LINGO1: variants seen among roughly 807,000 people sequenced by gnomAD.
LINGO1 encodes leucine-rich repeat and immunoglobulin-like domain-containing nogo receptor-interacting protein 1.
LINGO1 carries 11 observed loss-of-function variants against 37.3 expected under a neutral mutation model. The observed-to-expected ratio is 0.29, with a 90% CI of 0.19 to 0.49. LINGO1 has a LOEUF of 0.49. Among genes scored for constraint, LINGO1 ranks in the 20% least tolerant of loss-of-function variants. LINGO1 has a pLI of 0.99. For missense variants in LINGO1, 585 were observed against 878.2 expected (o/e 0.67, Z 4.22); for synonymous variants, 387 against 403.0 (o/e 0.96, Z 0.48).
chr15:77,712,489 C>T (rs1048834822), intron 2 of LINGO1, among the ~76,000 whole-genome samples: 4 of 152,114 alleles, frequency 2.6e-5, no homozygotes, highest in African/African-American at 9.7e-5. Context: ...GCTGGGAGGC[C>T]AAATACAGCT....
rs538589714 is a variant in LINGO1 at position 77,615,268 on chromosome 15, G to A, written c.639C>T (p.His213=). The stretch of plus-strand genomic sequence containing the variant: ...GCCTCAGGACGATGAGGCCGTGCAG[G>A]TGGGACAGCGCCTCGGTGGGGATGG... ...LTSIPTEALS[H]LHGLIVLRLR... is the part of the protein sequence containing the mutation. Residue 213 remains histidine, a synonymous_variant, in exon 2 of 2, where the codon CAC becomes CAT. Transcript: ENST00000355300. 59 of 1,613,874 alleles carry A rather than the reference G, an allele frequency of 3.7e-5. No homozygotes were observed. The Middle Eastern group carries it at 8.2e-4, about 23-fold the overall frequency.
At chr15:77,776,526 A>AAGGGAGGAAGGG (rs2076652689) in intron 1 of LINGO1, among the ~76,000 whole-genome samples, 4 of 35,752 alleles carry the variant, frequency 1.1e-4, no homozygotes, top group African/African-American at 3.0e-4. Flanking sequence ...GGAAGGGAGG[A>AAGGGAGGAAGGG]AGGGAGGGAG....
chr15:77,632,365 T>C lies in LINGO1; in HGVS notation c.-50A>G. On this transcript the variant is annotated 5_prime_UTR_variant, in exon 1 of 2. Coordinates refer to ENST00000355300, the MANE Select transcript of LINGO1 (RefSeq NM_032808.7). This position sits in a 1 kb window ranked among gnomAD's most constrained non-coding sequence, Gnocchi z 6.0. Reference sequence around the variant, plus strand: ...GGCTCGGTCACCAATCGCATGTCTCTCCAGCCGGCCCGACCAGGCCCCAGC... The same window carrying C: ...GGCTCGGTCACCAATCGCATGTCTCCCCAGCCGGCCCGACCAGGCCCCAGC... 2.2e-6 allele frequency: 3 copies of C among 1,384,182 alleles called. No homozygotes were observed. The highest frequency in any genetic ancestry group is 2.7e-5 in the Admixed American group (1 of 36,400). 85.7% of individuals were successfully genotyped at this position (1,384,182 alleles called of 1,614,324 possible).
intron 2 of LINGO1, among the ~76,000 whole-genome samples, chr15:77,724,120 G>A (rs1424079167): frequency 6.6e-6 from 1 of 152,126 alleles, no homozygotes; most frequent in Non-Finnish European, 1.5e-5. Context: ...GGAGCGGGGA[G>A]TGGGGAGGGG....
At chr15:77,762,376 C>T (rs1034633665) in intron 1 of LINGO1, among the ~76,000 whole-genome samples, 8 of 152,174 alleles carry the variant, frequency 5.3e-5, no homozygotes, top group African/African-American at 1.2e-4. Context: ...AGGAGCAGGC[C>T]GTGGAGAGGC....
At chr15:77,806,707 C>A (rs899679286) in intron 1 of LINGO1, among the ~76,000 whole-genome samples, 3 of 152,086 alleles carry the variant, frequency 2.0e-5, no homozygotes, top group Admixed American at 6.6e-5. Context: ...GGGACCCCGA[C>A]CCCCCAGTCC....
chr15:77,658,111 G>A lies in LINGO1; in HGVS notation c.-13+18978C>T, dbSNP rs116440820. Among the ~76,000 whole-genome samples, 6 of 152,282 alleles carry A rather than the reference G, an allele frequency of 3.9e-5. No homozygotes were observed. In the South Asian group the frequency reaches 6.2e-4, roughly 16 times the overall value. On this transcript the variant is annotated intron_variant, in intron 3 of 3. Coordinates refer to the LINGO1 transcript ENST00000559893. The stretch of plus-strand genomic sequence containing the variant: ...GGCCCAGAAATGGCCCTCAGGTGAC[G>A]GCGGGATGTCTAGGAAGGTGAGGAC...
intron 1 of LINGO1, among the ~76,000 whole-genome samples, chr15:77,765,103 G>A (rs1187809871): frequency 1.3e-5 from 2 of 152,146 alleles, no homozygotes; most frequent in Admixed American, 1.3e-4. Flanking sequence ...ATGGATGAAC[G>A]GTGATTTGTC....
intron 2 of LINGO1, among the ~76,000 whole-genome samples, chr15:77,718,354 G>A (rs1567544763): frequency 6.6e-6 from 1 of 151,010 alleles, no homozygotes; most frequent in Non-Finnish European, 1.5e-5. Flanking sequence ...GTATACAGAG[G>A]AGCATGCCCA....
At chr15:77,777,277 C>T (rs1386137402) in intron 1 of LINGO1, among the ~76,000 whole-genome samples, 1 of 152,080 alleles carries the variant, frequency 6.6e-6, no homozygotes, top group Non-Finnish European at 1.5e-5. Flanking sequence ...GGGGGTCCAA[C>T]CCCATCACTG....
At chr15:77,749,379 T>C (rs2076348782) in intron 1 of LINGO1, among the ~76,000 whole-genome samples, 1 of 152,138 alleles carries the variant, frequency 6.6e-6, no homozygotes, top group African/African-American at 2.4e-5. Context: ...ACTCAGCACC[T>C]CCCACCAGCC....
intron 3 of LINGO1, among the ~76,000 whole-genome samples, chr15:77,663,239 G>A (rs58075409): frequency 0.039 from 5,871 of 152,326 alleles, 385 homozygotes; most frequent in African/African-American, 0.13. Context: ...AACTGTGTGC[G>A]GTGCGAGGGC....
intron 1 of LINGO1, among the ~76,000 whole-genome samples, chr15:77,619,044 C>G (rs546108345): frequency 6.6e-6 from 1 of 152,176 alleles, no homozygotes; most frequent in Non-Finnish European, 1.5e-5. Flanking sequence ...AGAATGCCAC[C>G]AAGTCCTGCC....
intron 1 of LINGO1, among the ~76,000 whole-genome samples, chr15:77,748,435 G>A (rs2076336248): frequency 6.6e-6 from 1 of 150,598 alleles, no homozygotes; most frequent in Non-Finnish European, 1.5e-5. Flanking sequence ...TTCCATGAGA[G>A]AAGATCAGGA....
intron 1 of LINGO1, among the ~76,000 whole-genome samples, chr15:77,629,976 G>A (rs28649029): frequency 0.2 from 30,136 of 151,806 alleles, 6,492 homozygotes; most frequent in African/African-American, 0.54. Flanking sequence ...GAGGGGATGC[G>A]GGGCCAAGCC....
At chr15:77,697,913 G>T (rs1316072052), upstream of LINGO1, among the ~76,000 whole-genome samples, 1 of 152,222 alleles carries the variant, frequency 6.6e-6, no homozygotes, top group Non-Finnish European at 1.5e-5. Flanking sequence ...CCTCCTTCAG[G>T]CAGGGCCTAG....
intron 3 of LINGO1, among the ~76,000 whole-genome samples, chr15:77,664,170 T>TGTGTGTGTGTGTGTGCGCGCGC: frequency 1.5e-4 from 20 of 131,008 alleles, no homozygotes; most frequent in African/African-American, 7.0e-4. Flanking sequence ...TGTGTGTGTG[T>TGTGTGTGTGTGTGTGCGCGCGC]GCGCGCGCGC....
intron 3 of LINGO1, chr15:77,651,476 A>G (rs916457628): frequency 2.0e-5 from 3 of 152,218 alleles, no homozygotes; most frequent in Non-Finnish European, 4.4e-5. Flanking sequence ...CGAAATCTGG[A>G]AAAAGTGGTA....
chr15:77,696,927 C>G (rs2075703667), upstream of LINGO1, among the ~76,000 whole-genome samples: 1 of 152,258 alleles, frequency 6.6e-6, no homozygotes. Flanking sequence ...GGAAGGTGGT[C>G]AGCACCAGGG....
Sources: gnomAD v4.1 joint callset for allele counts (sites outside exome capture counted in the v4.1 genomes callset) on GRCh38, gnomAD v4.1.1 for gene constraint, Gnocchi (gnomAD v3.1) non-coding constraint, MANE v1.5 for transcripts, NCBI Gene and HGNC (gene_info 2026-07-23, HGNC 2026-07-21) for gene names.